TRDMT1: variants seen among roughly 807,000 people sequenced by gnomAD.
TRDMT1 encodes tRNA aspartic acid methyltransferase 1.
TRDMT1 carries 49 observed loss-of-function variants against 51.2 expected under a neutral mutation model. The ratio of observed to expected loss-of-function variants is 0.96; its 90% CI spans 0.76 to 1.21. The LOEUF is 1.21. Among genes scored for constraint, TRDMT1 ranks in the 50% most tolerant of loss-of-function variants. TRDMT1 has a pLI of 0.00. For synonymous variants in TRDMT1, 187 were observed against 164.6 expected (o/e 1.14, Z -1.04); for missense variants, 534 against 462.3 (o/e 1.16, Z -1.42).
In TRDMT1 at chr10:17,137,417, G is replaced by C. The variant is rs1837445638; in HGVS notation, c.*11623C>G. On this transcript the variant is annotated 3_prime_UTR_variant, in exon 11 of 11. Coordinates refer to ENST00000377799, the MANE Select transcript of TRDMT1 (RefSeq NM_004412.7). ...GTACAAATCTGGAGAGCCAGAGTTA[G>C]GCAACATTACAAAGACAAGTGTGAC... is the stretch of plus-strand genomic sequence containing the variant. The C allele has an allele frequency of 6.6e-6, 1 of 152,162 alleles. No homozygotes were observed. Among genetic ancestry groups the C allele is most frequent in the Non-Finnish European group, 1.5e-5 (1 of 68,044 alleles). The allele number at this position is 152,162 out of a possible 1,614,324, so 9.4% of individuals were successfully genotyped here.
At chr10:17,157,968 A>G (rs1384674820) in intron 7 of TRDMT1, among the ~76,000 whole-genome samples, 184 bp from the exon 8 acceptor site, 1 of 152,158 alleles carries the variant, frequency 6.6e-6, no homozygotes, top group Non-Finnish European at 1.5e-5. Flanking sequence ...ATATAGCTAT[A>G]TTGTCATCAG....
At position 17,157,590 on chromosome 10, in the gene TRDMT1, A is replaced by G; in HGVS notation, c.738T>C (p.Ser246=). The G allele has an allele frequency of 6.2e-7, 1 of 1,614,032 alleles. No homozygotes were observed. The highest frequency in any genetic ancestry group is 1.1e-5 in the South Asian group (1 of 91,072). The change falls in exon 8 of 11, where the codon AGT becomes AGC. Residue 246 remains serine (S), a synonymous_variant. Transcript: ENST00000377799. ...EEIHRKNQQD[S]DLSVKMLKDF... ...CTTTTAGCATTTTCACAGAGAGATC[A>G]CTATCTTGTTGATTTTTCCTGTGAA...
rs544330616 is a variant in TRDMT1 at position 17,182,318 on chromosome 10, C to T, written c.65-7658G>A. ...CCCCTGCTTCAAACTCTACCCCTAA[C>T]TGGGCCTACATTTGGACCTGGTCAA... On this transcript the variant is annotated intron_variant, in intron 1 of 10. Coordinates refer to ENST00000377799, the MANE Select transcript of TRDMT1 (RefSeq NM_004412.7). Among the ~76,000 whole-genome samples the T allele has an allele frequency of 4.7e-4, 72 of 152,330 alleles. 1 individual carries two copies. The highest frequency in any genetic ancestry group is 1.7e-3 in the African/African-American group (70 of 41,590).
At position 17,157,667 on chromosome 10, in the gene TRDMT1, G is replaced by A; in HGVS notation, c.661C>T (p.Gln221Ter). 1.9e-6 allele frequency: 3 copies of A among 1,613,320 alleles called. No individual in the cohort carries two copies. Among genetic ancestry groups the A allele is most frequent in the Non-Finnish European group, 2.5e-6 (3 of 1,179,600 alleles). ...EPNISFDGSI[Q>*]CSGKDAILFK... ...AGAATGGCATCTTTTCCAGAACACT[G>A]TATGCTGCCATCAAAGCTAATATTT... is the stretch of plus-strand genomic sequence containing the variant. The change falls in exon 8 of 11, where the codon CAG (glutamine) becomes TAG (stop). Residue 221 changes from glutamine (Q) to a stop codon, truncating the protein, a stop_gained. Transcript: ENST00000377799. LOFTEE classifies it high-confidence loss of function.
intron 5 of TRDMT1, among the ~76,000 whole-genome samples, chr10:17,161,089 A>C (rs1388690431): frequency 6.6e-6 from 1 of 152,156 alleles, no homozygotes; most frequent in Non-Finnish European, 1.5e-5. Context: ...CCACCATCTG[A>C]AAGAACCCCG....
intron 1 of TRDMT1, among the ~76,000 whole-genome samples, chr10:17,197,948 C>T (rs1424813125): frequency 2.0e-5 from 3 of 151,856 alleles, no homozygotes; most frequent in African/African-American, 7.3e-5. Context: ...GCAGGAAGAT[C>T]GCTTGAACCC....
intron 1 of TRDMT1, among the ~76,000 whole-genome samples, chr10:17,198,240 C>A (rs1272280589): frequency 6.6e-6 from 1 of 152,154 alleles, no homozygotes; most frequent in Non-Finnish European, 1.5e-5. Flanking sequence ...GGAAAACAGG[C>A]TGGTGGTTCC....
intron 1 of TRDMT1, chr10:17,201,345 T>A: frequency 3.9e-6 from 2 of 511,570 alleles, no homozygotes; most frequent in Non-Finnish European, 6.9e-6. Flanking sequence ...AGGCGCCATG[T>A]GCGGCCCCTC....
chr10:17,200,222 A>C (rs192220855), intron 1 of TRDMT1, among the ~76,000 whole-genome samples: 5 of 152,346 alleles, frequency 3.3e-5, no homozygotes, highest in Non-Finnish European at 5.9e-5. Flanking sequence ...GAATGATCTA[A>C]ATATTCGACA....
At chr10:17,163,375 T>C (rs1840697421) in intron 3 of TRDMT1, among the ~76,000 whole-genome samples, 2 of 152,058 alleles carry the variant, frequency 1.3e-5, no homozygotes, top group African/African-American at 2.4e-5. Flanking sequence ...AAAGCATGTG[T>C]ATAGAGGGAA....
rs563772243 is a variant in TRDMT1, at chr10:17,154,550, C to T, written c.945+127G>A. On this transcript the variant is annotated intron_variant, in intron 9 of 10. Coordinates refer to ENST00000377799, the MANE Select transcript of TRDMT1 (RefSeq NM_004412.7). ...ATAAAATATTATATATATGAATATA[C>T]ATATGAATGAATAAAATATATATTC... 1.9e-3 allele frequency: 901 copies of T among 478,534 alleles called. 6 individuals are homozygous for T. The highest frequency in any genetic ancestry group is 0.012 in the South Asian group (169 of 14,616). 29.6% of individuals were successfully genotyped at this position (478,534 alleles called of 1,614,324 possible).
Position 17,145,203 on chromosome 10 carries a change from C to T in TRDMT1, c.*3837G>A, listed in dbSNP as rs558753823. 8 of 823,376 alleles carry T rather than the reference C, an allele frequency of 9.7e-6. No individual in the cohort carries two copies. Among genetic ancestry groups the T allele is most frequent in the East Asian group, 1.2e-4 (1 of 8,062 alleles). 51.0% of individuals were successfully genotyped at this position (823,376 alleles called of 1,614,324 possible). Reference sequence around the variant, plus strand: ...GGGAGATTGCAGTGAGCCGAGATCACGCCACTGCACTCCAGCCTAGGCAAC... The same window carrying T: ...GGGAGATTGCAGTGAGCCGAGATCATGCCACTGCACTCCAGCCTAGGCAAC... On this transcript the variant is annotated 3_prime_UTR_variant, in exon 11 of 11. Transcript: ENST00000377799.
chr10:17,143,477 G>A lies in TRDMT1; in HGVS notation c.*5563C>T. On this transcript the variant is annotated 3_prime_UTR_variant, in exon 11 of 11. Transcript: ENST00000377799. ...CACAAGGAGTATCACATTCCATTCAGTGTTTTCAGTCATTTTTTTCACATG... is the reference window on the plus strand; with the variant it reads ...CACAAGGAGTATCACATTCCATTCAATGTTTTCAGTCATTTTTTTCACATG... 1.0e-6 allele frequency: 1 copy of A among 985,384 alleles called. No homozygotes were observed. The highest frequency in any genetic ancestry group is 1.2e-6 in the Non-Finnish European group (1 of 829,926). The allele number at this position is 985,384 out of a possible 1,614,324, so 61.0% of individuals were successfully genotyped here. A position where few individuals can be genotyped will look rare whatever the true frequency, so the allele number is the denominator to read the frequency against.
intron 1 of TRDMT1, among the ~76,000 whole-genome samples, chr10:17,190,473 C>A (rs1040044813): frequency 6.7e-6 from 1 of 150,372 alleles, no homozygotes; most frequent in African/African-American, 2.4e-5. Flanking sequence ...TTATTTTGGC[C>A]ATAGCTCACT....
In TRDMT1 at chr10:17,161,568, T is replaced by C. The variant is rs1252855371; in HGVS notation, c.324-20A>G. On this transcript the variant is annotated intron_variant, in intron 4 of 10. Coordinates refer to ENST00000377799, the MANE Select transcript of TRDMT1 (RefSeq NM_004412.7). ...TGTAATCTATAAAAAAATAAACAAA[T>C]GGAATTCTAAATATCTCATTACTAA... is the stretch of plus-strand genomic sequence containing the variant. The C allele has an allele frequency of 1.7e-6, 2 of 1,193,084 alleles. No homozygotes were observed. The highest frequency in any genetic ancestry group is 2.8e-5 in the East Asian group (1 of 35,840). 73.9% of individuals were successfully genotyped at this position (1,193,084 alleles called of 1,614,324 possible).
chr10:17,186,202 A>T (rs534881844), intron 1 of TRDMT1, among the ~76,000 whole-genome samples: 2 of 152,288 alleles, frequency 1.3e-5, no homozygotes, highest in East Asian at 3.9e-4. Context: ...ATGTTTTGGC[A>T]CATTTCTTAA....
At chr10:17,150,936 A>G in intron 10 of TRDMT1, 1 of 985,328 alleles carries the variant, frequency 1.0e-6, no homozygotes, top group South Asian at 4.7e-5. Context: ...TATTACAATT[A>G]CCTCAGAAGG....
Position 17,139,045 on chromosome 10 carries a change from T to TA in TRDMT1, c.*9994dup, listed in dbSNP as rs892234642. ...TAGGATTAAAGGCTCCAAAAGCTAGTAAAAAAATCAACAGAGCTTTCTCTA... is the reference window on the plus strand; with the variant it reads ...TAGGATTAAAGGCTCCAAAAGCTAGTAAAAAAAATCAACAGAGCTTTCTCTA... On this transcript the variant is annotated 3_prime_UTR_variant, in exon 11 of 11. Coordinates refer to ENST00000377799, the MANE Select transcript of TRDMT1 (RefSeq NM_004412.7). Among the ~76,000 whole-genome samples the TA allele has an allele frequency of 2.0e-5, 3 of 152,220 alleles. No individual in the cohort carries two copies. The highest frequency in any genetic ancestry group is 6.5e-5 in the Admixed American group (1 of 15,290).
intron 3 of TRDMT1, among the ~76,000 whole-genome samples, chr10:17,165,860 C>G (rs898172977): frequency 1.2e-3 from 180 of 152,144 alleles, no homozygotes; most frequent in African/African-American, 3.8e-3. Flanking sequence ...TCATTAAAAA[C>G]TCAGGAAACA....
Sources: gnomAD v4.1 joint callset for allele counts (sites outside exome capture counted in the v4.1 genomes callset) on GRCh38, gnomAD v4.1.1 for gene constraint, MANE v1.5 for transcripts, NCBI Gene and HGNC (gene_info 2026-07-23, HGNC 2026-07-21) for gene names.